Variants in RPS6KA2 observed in about 807,000 individuals in gnomAD.
The protein encoded by RPS6KA2 is ribosomal protein S6 kinase A2.
In RPS6KA2, 42 loss-of-function variants were observed where a neutral mutation model predicts 91.8. That is an observed-to-expected ratio of 0.46 (90% CI 0.36 to 0.59). The LOEUF is 0.59. RPS6KA2 is among the 20% of genes least tolerant of loss of function. RPS6KA2 has a pLI of 0.00. For missense variants in RPS6KA2, 798 were observed against 978.5 expected, an observed-to-expected ratio of 0.82 and a Z score of 2.46; for synonymous variants, 414 against 393.6, an observed-to-expected ratio of 1.05 and a Z score of -0.61.
At chr6:166,712,268 C>CA (rs1331856798) in intron 2 of RPS6KA2, among the ~76,000 whole-genome samples, 2 of 152,198 alleles carry the variant, frequency 1.3e-5, no homozygotes, top group African/African-American at 4.8e-5. Context: ...CAAAGACTCT[C>CA]ATCTGGTGGT....
At chr6:166,858,670 C>G (rs1411184088) in intron 1 of RPS6KA2, among the ~76,000 whole-genome samples, 4 of 152,236 alleles carry the variant, frequency 2.6e-5, no homozygotes, top group African/African-American at 9.6e-5. Context: ...TGACCACTCC[C>G]ATGAGAACGG....
intron 13 of RPS6KA2, among the ~76,000 whole-genome samples, 179 bp downstream of exon 13, chr6:166,450,924 C>T (rs1477044432): frequency 6.6e-6 from 1 of 151,536 alleles, no homozygotes; most frequent in Non-Finnish European, 1.5e-5. Flanking sequence ...GGGATAACCA[C>T]GAGGGACCAC....
chr6:166,754,608 T>C (rs1241276040), intron 2 of RPS6KA2, among the ~76,000 whole-genome samples: 1 of 152,112 alleles, frequency 6.6e-6, no homozygotes, highest in Non-Finnish European at 1.5e-5. Flanking sequence ...GGCTCTGGTT[T>C]GCATTTGAAA....
intron 2 of RPS6KA2, among the ~76,000 whole-genome samples, chr6:166,660,985 A>G (rs62438677): frequency 0.099 from 15,112 of 152,252 alleles, 852 homozygotes; most frequent in South Asian, 0.17. Flanking sequence ...ACATATGTCA[A>G]CTTGCTTTGT....
intron 1 of RPS6KA2, among the ~76,000 whole-genome samples, chr6:166,600,166 G>T (rs118148331): frequency 1.3e-5 from 2 of 152,054 alleles, no homozygotes; most frequent in African/African-American, 4.8e-5. Context: ...GCACCACCAC[G>T]CCTGGCTAAT....
chr6:166,753,123 G>A (rs1562419868), intron 2 of RPS6KA2, among the ~76,000 whole-genome samples: 1 of 152,190 alleles, frequency 6.6e-6, no homozygotes, highest in South Asian at 2.1e-4. Context: ...AGAGCAAAGG[G>A]GCTGGCTGTC....
In RPS6KA2 at chr6:166,767,774, A is replaced by ACAC. The variant is rs1778357017; in HGVS notation, c.123+90425_123+90426insGTG. On this transcript the variant is annotated intron_variant, in intron 2 of 21. Transcript: ENST00000503859. This position sits in a 1 kb window ranked among gnomAD's most constrained non-coding sequence, Gnocchi z 4.6. ...AAGAACTAAAGACAATACCTCCTCA[A>ACAC]ACACACACACACACACACACACACA... 6.8e-6 allele frequency among the ~76,000 whole-genome samples: 1 copy of ACAC among 146,854 alleles called. No individual in the cohort carries two copies. Among genetic ancestry groups the ACAC allele is most frequent in the South Asian group, 2.3e-4 (1 of 4,424 alleles).
intron 10 of RPS6KA2, among the ~76,000 whole-genome samples, chr6:166,481,377 G>A (rs1332749577): frequency 6.6e-6 from 1 of 152,268 alleles, no homozygotes; most frequent in African/African-American, 2.4e-5. Context: ...AAAGGATACT[G>A]ATGTCTGACA....
At chr6:166,723,754 G>T (rs1444346225) in intron 2 of RPS6KA2, among the ~76,000 whole-genome samples, 3 of 146,844 alleles carry the variant, frequency 2.0e-5, no homozygotes, top group Admixed American at 1.4e-4. Flanking sequence ...AGGCTGGAGT[G>T]CAATGGCGCG....
intron 2 of RPS6KA2, among the ~76,000 whole-genome samples, chr6:166,646,138 A>G (rs9295358): frequency 0.33 from 50,228 of 152,056 alleles, 8,699 homozygotes; most frequent in African/African-American, 0.43. Context: ...CCCATGACCC[A>G]GGGGTGGCTT....
At chr6:166,504,740 T>C in intron 5 of RPS6KA2, 128 bp from the exon 6 acceptor site, 1 of 619,520 alleles carries the variant, frequency 1.6e-6, no homozygotes, top group South Asian at 2.0e-5. Flanking sequence ...TGGAACGCTA[T>C]GGCCCCCCAG....
chr6:166,783,503 GTC>G (rs1179693545), intron 2 of RPS6KA2, among the ~76,000 whole-genome samples: 5 of 152,022 alleles, frequency 3.3e-5, no homozygotes, highest in Non-Finnish European at 5.9e-5. Flanking sequence ...GCAAATTGCT[GTC>G]TCTCTCTAGA....
At chr6:166,630,301 A>G (rs1413417686), upstream of RPS6KA2, among the ~76,000 whole-genome samples, 2 of 152,208 alleles carry the variant, frequency 1.3e-5, no homozygotes, top group Non-Finnish European at 2.9e-5. Context: ...GACATCCAAG[A>G]GCTTCTAATT....
chr6:166,641,718 A>AC (rs1381210427), intron 2 of RPS6KA2, among the ~76,000 whole-genome samples: 210 of 98,910 alleles, frequency 2.1e-3, no homozygotes, highest in African/African-American at 9.3e-3. Flanking sequence ...AGACTCTGTC[A>AC]CAAAAAAAAA....
intron 2 of RPS6KA2, among the ~76,000 whole-genome samples, chr6:166,837,127 G>A (rs77356166): frequency 0.027 from 4,161 of 152,306 alleles, 194 homozygotes; most frequent in African/African-American, 0.095. Context: ...TTCTTGCTGG[G>A]AGGTGCGTGG....
chr6:166,658,402 G>A (rs899057362), intron 2 of RPS6KA2, among the ~76,000 whole-genome samples: 2 of 152,226 alleles, frequency 1.3e-5, no homozygotes, highest in Non-Finnish European at 2.9e-5. Flanking sequence ...CAGCTGCGGA[G>A]CTGGTCGCCG....
chr6:166,826,968 C>A (rs984624149), intron 2 of RPS6KA2, among the ~76,000 whole-genome samples: 5 of 152,058 alleles, frequency 3.3e-5, no homozygotes, highest in African/African-American at 9.7e-5. Context: ...AATTCCAAGC[C>A]TACCTTTAAC....
chr6:166,579,497 G>A (rs1005234273), intron 1 of RPS6KA2, among the ~76,000 whole-genome samples: 28 of 152,266 alleles, frequency 1.8e-4, no homozygotes, highest in African/African-American at 6.7e-4. Context: ...TGTTACACTG[G>A]CTAGTTACAA....
chr6:166,776,812 T>C (rs145192851), intron 2 of RPS6KA2, among the ~76,000 whole-genome samples: 11 of 152,358 alleles, frequency 7.2e-5, no homozygotes, highest in Admixed American at 2.0e-4. Flanking sequence ...CATTCATCCA[T>C]TGATGGACAT....
Sources: allele counts gnomAD v4.1 joint callset (sites outside exome capture counted in the v4.1 genomes callset), GRCh38; gene constraint gnomAD v4.1.1; non-coding constraint Gnocchi (gnomAD v3.1); transcripts MANE v1.5; gene names NCBI Gene and HGNC (gene_info 2026-07-23, HGNC 2026-07-21).